The following UBE2E3 variants were observed in gnomAD, a reference collection of about 807,000 sequenced individuals.
UBE2E3 encodes ubiquitin conjugating enzyme E2 E3.
In UBE2E3, 5 loss-of-function variants were observed where a neutral mutation model predicts 23.6. The ratio of observed to expected loss-of-function variants is 0.21; its 90% confidence interval spans 0.11 to 0.44. The LOEUF is 0.44. Among genes scored for constraint, UBE2E3 ranks in the 20% least tolerant of loss-of-function variants. The pLI, the probability that UBE2E3 is intolerant of heterozygous loss-of-function variation, is 0.99. For missense variants in UBE2E3, 81 were observed against 249.8 expected, an observed-to-expected ratio of 0.32 and a Z score of 4.55; for synonymous variants, 78 against 87.5, an observed-to-expected ratio of 0.89 and a Z score of 0.60.
chr2:181,021,914 A>G (rs974214189), intron 3 of UBE2E3, among the ~76,000 whole-genome samples: 1 of 152,128 alleles, frequency 6.6e-6, no homozygotes, highest in African/African-American at 2.4e-5. Context: ...AGTGCCCAGA[A>G]TCCTTGACCT....
rs1474985056 is a variant in UBE2E3, at chr2:181,020,384, G to C, written c.245+36291G>C. Reference sequence around the variant, plus strand: ...AAAGATTAAGGGCCACCATACTCTGGTATAACCTCATCTTCACTAATTACA... The same window carrying C: ...AAAGATTAAGGGCCACCATACTCTGCTATAACCTCATCTTCACTAATTACA... On this transcript the variant is annotated intron_variant, in intron 3 of 5. Transcript: ENST00000410062. Among the ~76,000 whole-genome samples the C allele has an allele frequency of 2.0e-5, 3 of 152,054 alleles. No homozygotes were observed. In the East Asian group the frequency reaches 5.8e-4, roughly 29 times the overall value.
rs369195598 is a variant in UBE2E3, at chr2:180,996,391, TGA to T, written c.245+12300_245+12301del. 2.9e-3 allele frequency among the ~76,000 whole-genome samples: 441 copies of T among 152,332 alleles called. 1 individual carries two copies. The highest frequency in any genetic ancestry group is 4.2e-3 in the Non-Finnish European group (289 of 68,032). On this transcript the variant is annotated intron_variant, in intron 3 of 5. Coordinates refer to ENST00000410062, the MANE Select transcript of UBE2E3 (RefSeq NM_006357.4). ...GTCTGCTTTAAGTTTTGAATTAAAC[TGA>T]GGGGGTAGTTTAAGGTAGAACGCAA...
At position 181,022,037 on chromosome 2, in the gene UBE2E3, C is replaced by T. The variant is rs1460470263; in HGVS notation, c.246-35656C>T. Among the ~76,000 whole-genome samples the T allele has an allele frequency of 2.0e-5, 3 of 151,970 alleles. No homozygotes were observed. The South Asian group carries it at 6.2e-4, about 32-fold the overall frequency. On this transcript the variant is annotated intron_variant, in intron 3 of 5. Coordinates refer to ENST00000410062, the MANE Select transcript of UBE2E3 (RefSeq NM_006357.4). ...TTTGTGAAGGTAAAATAATAATGTA[C>T]GTTAACATTTTGGAAATTGTAAAAT...
intron 3 of UBE2E3, among the ~76,000 whole-genome samples, chr2:181,051,746 C>T (rs1686849625): frequency 6.6e-6 from 1 of 151,826 alleles, no homozygotes; most frequent in Non-Finnish European, 1.5e-5. Flanking sequence ...TGTGCAAATT[C>T]TTAGGACTAT....
intron 3 of UBE2E3, among the ~76,000 whole-genome samples, chr2:181,044,341 G>A (rs1398363283): frequency 6.6e-6 from 1 of 152,128 alleles, no homozygotes; most frequent in Non-Finnish European, 1.5e-5. Context: ...ATATAAAATA[G>A]GATGAAATCT....
intron 3 of UBE2E3, among the ~76,000 whole-genome samples, chr2:181,038,560 A>G (rs1157728303): frequency 6.6e-6 from 1 of 152,228 alleles, no homozygotes; most frequent in Non-Finnish European, 1.5e-5. Context: ...CCCTTGGATT[A>G]AGTAAAAATC....
intron 3 of UBE2E3, among the ~76,000 whole-genome samples, chr2:181,034,537 GGA>G: frequency 6.6e-6 from 1 of 152,178 alleles, no homozygotes; most frequent in Non-Finnish European, 1.5e-5. Context: ...TGGGGTGGGG[GGA>G]GCGGGGAGAG....
intron 3 of UBE2E3, among the ~76,000 whole-genome samples, chr2:181,021,513 TTC>T (rs1226758878): frequency 1.4e-5 from 2 of 141,190 alleles, no homozygotes; most frequent in Non-Finnish European, 3.1e-5. Context: ...CTTTCCTTCT[TTC>T]TTTTATTCTT....
intron 3 of UBE2E3, among the ~76,000 whole-genome samples, chr2:181,043,851 A>G (rs1025637284): frequency 7.2e-5 from 11 of 152,166 alleles, no homozygotes; most frequent in Admixed American, 3.3e-4. Flanking sequence ...ACAGTCTTCA[A>G]AATCTTCAAT....
At chr2:180,991,976 G>C (rs1172619734) in intron 3 of UBE2E3, among the ~76,000 whole-genome samples, 2 of 152,218 alleles carry the variant, frequency 1.3e-5, no homozygotes, top group South Asian at 2.1e-4. Flanking sequence ...GAACTGCACA[G>C]ATAGGTAGGG....
chr2:181,038,910 A>G (rs1686385311), intron 3 of UBE2E3, among the ~76,000 whole-genome samples: 1 of 152,302 alleles, frequency 6.6e-6, no homozygotes, highest in Admixed American at 6.5e-5. Context: ...TAAAATAATT[A>G]TAAAAAAACA....
At chr2:181,021,561 T>TCCC (rs1391845043) in intron 3 of UBE2E3, among the ~76,000 whole-genome samples, 67 of 105,218 alleles carry the variant, frequency 6.4e-4, no homozygotes, top group Non-Finnish European at 9.8e-4. Context: ...ACTCCCTTCC[T>TCCC]TCCTTCCTTC....
At chr2:181,017,954 ACT>A (rs1190097329) in intron 3 of UBE2E3, among the ~76,000 whole-genome samples, 1 of 149,170 alleles carries the variant, frequency 6.7e-6, no homozygotes, top group Non-Finnish European at 1.5e-5. Flanking sequence ...TCTGAGCGTG[ACT>A]CTCTTTTTTC....
At chr2:181,018,598 G>GTTTTT (rs4018770) in intron 3 of UBE2E3, among the ~76,000 whole-genome samples, 2 of 129,008 alleles carry the variant, frequency 1.6e-5, no homozygotes, top group Non-Finnish European at 1.6e-5. Flanking sequence ...CAATTTCTGT[G>GTTTTT]TTTTTTTTTT....
At chr2:180,983,018 GAAA>G (rs1293551931) in intron 2 of UBE2E3, among the ~76,000 whole-genome samples, 1 of 152,050 alleles carries the variant, frequency 6.6e-6, no homozygotes, top group African/African-American at 2.4e-5. Context: ...TTCTGATGGA[GAAA>G]AAAAGATTCT....
chr2:181,047,155 C>G (rs775824607), intron 3 of UBE2E3, among the ~76,000 whole-genome samples: 1 of 152,090 alleles, frequency 6.6e-6, no homozygotes, highest in African/African-American at 2.4e-5. Context: ...CTTTTCAAAC[C>G]CAGCTTCTTT....
At chr2:180,992,072 T>C (rs1245099894) in intron 3 of UBE2E3, among the ~76,000 whole-genome samples, 1 of 152,190 alleles carries the variant, frequency 6.6e-6, no homozygotes, top group Non-Finnish European at 1.5e-5. Flanking sequence ...CTTTGCTTTC[T>C]TTTTTACCTG....
chr2:181,024,797 A>G (rs958465733), intron 3 of UBE2E3, among the ~76,000 whole-genome samples: 25 of 152,052 alleles, frequency 1.6e-4, no homozygotes, highest in Admixed American at 1.4e-3. Flanking sequence ...AAAACCAAAT[A>G]TGTGATCTCC....
chr2:181,014,215 G>T (rs1275906215), intron 3 of UBE2E3, among the ~76,000 whole-genome samples: 1 of 152,170 alleles, frequency 6.6e-6, no homozygotes, highest in Admixed American at 6.6e-5. Flanking sequence ...TTCAATGGTT[G>T]TGGTTGTGGT....
Sources: gnomAD v4.1 joint callset for allele counts (sites outside exome capture counted in the v4.1 genomes callset) on GRCh38, gnomAD v4.1.1 for gene constraint, MANE v1.5 for transcripts, NCBI Gene and HGNC (gene_info 2026-07-23, HGNC 2026-07-21) for gene names.